Variants in RHOU observed in about 807,000 individuals in gnomAD.
RHOU encodes the protein rho-related GTP-binding protein RhoU.
Under a neutral mutation model 12.6 loss-of-function variants are expected in RHOU, and 8 were observed. That is an observed-to-expected ratio of 0.64 (90% CI 0.37 to 1.15). The LOEUF (loss-of-function observed/expected upper bound fraction) is 1.15, where lower values mean the gene tolerates loss of function less well. RHOU is among the 50% of genes most tolerant of loss of function. The probability of loss-of-function intolerance (pLI) is 0.01; values close to 1 mark genes in which losing one functional copy is unlikely to be tolerated. For missense variants in RHOU, 258 were observed against 347.0 expected, an observed-to-expected ratio of 0.74 and a Z score of 2.04; for synonymous variants, 161 against 147.4, an observed-to-expected ratio of 1.09 and a Z score of -0.67.
chr1:228,650,574 C>T, the RHOU span: 3 of 455,722 alleles, frequency 6.6e-6, no homozygotes, highest in East Asian at 6.9e-5. Context: ...CCTCACTGCT[C>T]GCCTGCCTGC....
chr1:228,649,018 C>T, the RHOU span, among the ~76,000 whole-genome samples: 2 of 152,122 alleles, frequency 1.3e-5, no homozygotes, highest in African/African-American at 4.8e-5. Context: ...CGCGCACCAA[C>T]CTCGCCTGGC....
the RHOU span, among the ~76,000 whole-genome samples, chr1:228,726,645 A>C: frequency 6.6e-6 from 1 of 151,046 alleles, no homozygotes; most frequent in Admixed American, 6.6e-5. Flanking sequence ...AGCCTGGCCA[A>C]GACAGTGAGA....
Position 228,743,764 on chromosome 1 carries a change from C to A in RHOU, c.*24C>A. On this transcript the variant is annotated 3_prime_UTR_variant, in exon 3 of 3. Transcript: ENST00000366691. The surrounding 1 kb of genome is among the most constrained non-coding windows in gnomAD (Gnocchi z 5.1). Reference sequence around the variant, plus strand: ...GATGCTGGCAAGACACCCAGAAAGGCTATTTTCAGATGAAATCGATATTAG... The same window carrying A: ...GATGCTGGCAAGACACCCAGAAAGGATATTTTCAGATGAAATCGATATTAG... 6.3e-7 allele frequency: 1 copy of A among 1,583,158 alleles called. No homozygotes were observed. The highest frequency in any genetic ancestry group is 1.2e-5 in the South Asian group (1 of 86,918).
chr1:228,707,253 ATAGTGTGTGTGTGTGTGTGT>A, the RHOU span, among the ~76,000 whole-genome samples: 9 of 77,160 alleles, frequency 1.2e-4, no homozygotes, highest in African/African-American at 1.9e-4. Context: ...ATATATATAT[ATAGTGTGTGTGTGTGTGTGT>A]GTGTGTGTGT....
At chr1:228,700,934 A>C in the RHOU span, among the ~76,000 whole-genome samples, 1 of 151,932 alleles carries the variant, frequency 6.6e-6, no homozygotes, top group East Asian at 1.9e-4. Flanking sequence ...AAAAAACACA[A>C]AAAAATTAGC....
chr1:228,697,527 AG>A, the RHOU span, among the ~76,000 whole-genome samples: 1 of 152,212 alleles, frequency 6.6e-6, no homozygotes, highest in Non-Finnish European at 1.5e-5. Flanking sequence ...GGCAGTGCAG[AG>A]GAAGGAATTT....
chr1:228,714,274 A>T, the RHOU span, among the ~76,000 whole-genome samples: 2 of 152,160 alleles, frequency 1.3e-5, no homozygotes, highest in Admixed American at 6.6e-5. Flanking sequence ...TTCATACATA[A>T]TATTGGTTTG....
the RHOU span, among the ~76,000 whole-genome samples, chr1:228,707,229 ACATATG>A: frequency 4.4e-5 from 4 of 91,094 alleles, no homozygotes; most frequent in African/African-American, 2.2e-4. Context: ...ATATATATAT[ACATATG>A]TATATATATA....
chr1:228,707,235 G>GTATATA, the RHOU span, among the ~76,000 whole-genome samples: 6 of 76,744 alleles, frequency 7.8e-5, no homozygotes, highest in African/African-American at 3.5e-4. Context: ...ATATACATAT[G>GTATATA]TATATATATA....
the RHOU span, among the ~76,000 whole-genome samples, chr1:228,728,937 C>T: frequency 6.6e-6 from 1 of 151,290 alleles, no homozygotes; most frequent in African/African-American, 2.4e-5. Flanking sequence ...GCTCTGTCGC[C>T]CAGGCTGGAG....
the RHOU span, among the ~76,000 whole-genome samples, chr1:228,708,203 G>A: frequency 6.6e-6 from 1 of 152,144 alleles, no homozygotes; most frequent in African/African-American, 2.4e-5. Flanking sequence ...GAAAGTGACG[G>A]GGAGAATGGA....
At chr1:228,709,580 A>T in the RHOU span, among the ~76,000 whole-genome samples, 32 of 147,476 alleles carry the variant, frequency 2.2e-4, no homozygotes, top group South Asian at 7.2e-3. Context: ...AACGAAATGA[A>T]GGCAGAAATA....
In RHOU at chr1:228,737,812, C is replaced by A; in HGVS notation, c.321+81C>A. The A allele has an allele frequency of 1.4e-6, 2 of 1,438,206 alleles. No homozygotes were observed. Among genetic ancestry groups the A allele is most frequent in the Admixed American group, 1.7e-5 (1 of 58,354 alleles). 89.1% of individuals were successfully genotyped at this position (1,438,206 alleles called of 1,614,324 possible). A position where few individuals can be genotyped will look rare whatever the true frequency, so the allele number is the denominator to read the frequency against. ...CCAAATAACCTTTGATTCCCTCAGT[C>A]AGTAACTGGGTCATTCTAAAGCCTC... On this transcript the variant is annotated intron_variant, in intron 2 of 2. Transcript: ENST00000366691. This position sits in a 1 kb window ranked among gnomAD's most constrained non-coding sequence, Gnocchi z 4.1.
At chr1:228,654,888 G>A in the RHOU span, among the ~76,000 whole-genome samples, 2 of 152,122 alleles carry the variant, frequency 1.3e-5, no homozygotes, top group African/African-American at 2.4e-5. Context: ...ATAAGAAAAT[G>A]CCTGTGTTAT....
the RHOU span, among the ~76,000 whole-genome samples, chr1:228,648,988 C>T: frequency 2.4e-4 from 36 of 152,070 alleles, no homozygotes; most frequent in Admixed American, 1.5e-3. Context: ...CTCAGCCTCC[C>T]GAGTACCTTG....
chr1:228,648,250 G>T, the RHOU span, among the ~76,000 whole-genome samples: 3 of 152,212 alleles, frequency 2.0e-5, no homozygotes, highest in African/African-American at 7.2e-5. Context: ...GATTGCTTGC[G>T]CCTAGGCCAC....
At chr1:228,710,586 A>G in the RHOU span, among the ~76,000 whole-genome samples, 2 of 152,204 alleles carry the variant, frequency 1.3e-5, no homozygotes, top group Non-Finnish European at 1.5e-5. Context: ...CAGATGCAGA[A>G]AAGGCCTTTG....
the RHOU span, among the ~76,000 whole-genome samples, chr1:228,663,915 G>A: frequency 6.7e-6 from 1 of 150,276 alleles, no homozygotes; most frequent in Non-Finnish European, 1.5e-5. Flanking sequence ...TTACAGGCGC[G>A]AGCCGCCACG....
intron 2 of RHOU, among the ~76,000 whole-genome samples, chr1:228,741,188 G>A (rs1236157469): frequency 6.6e-6 from 1 of 152,134 alleles, no homozygotes; most frequent in Non-Finnish European, 1.5e-5. Context: ...TCTGTGCAGT[G>A]TCCGTACCAC....
Sources: allele counts gnomAD v4.1 joint callset (sites outside exome capture counted in the v4.1 genomes callset), GRCh38; gene constraint gnomAD v4.1.1; non-coding constraint Gnocchi (gnomAD v3.1); transcripts MANE v1.5; gene names NCBI Gene and HGNC (gene_info 2026-07-23, HGNC 2026-07-21).